Variants in DDX60L observed in about 807,000 individuals in gnomAD.
DDX60L encodes the protein probable ATP-dependent RNA helicase DDX60-like.
DDX60L carries 191 observed loss-of-function variants against 211.6 expected under a neutral mutation model. That is an observed-to-expected ratio of 0.90 (90% confidence interval 0.80 to 1.02). The LOEUF is 1.02. DDX60L is among the 50% of genes least tolerant of loss of function. DDX60L has a pLI of 0.00. For synonymous variants in DDX60L, 706 were observed against 694.1 expected (o/e 1.02, Z -0.27); for missense variants, 2,007 against 1,984.1 (o/e 1.01, Z -0.22).
At position 168,395,382 on chromosome 4, in the gene DDX60L, T is replaced by C. The variant is rs536743022; in HGVS notation, c.3657+577A>G. On this transcript the variant is annotated intron_variant, in intron 27 of 37. Coordinates refer to ENST00000682922, the MANE Select transcript of DDX60L (RefSeq NM_001012967.3). ...AACGAATAAATACATGAAATGTCTA[T>C]GTGACTGTGGACATGCTTGTGACTA... is the stretch of plus-strand genomic sequence containing the variant. Among the ~76,000 whole-genome samples the C allele has an allele frequency of 2.6e-5, 4 of 152,350 alleles. 1 individual carries two copies. The South Asian group carries it at 8.3e-4, about 32-fold the overall frequency.
At chr4:168,470,852 AG>A in intron 4 of DDX60L, 9 of 280,284 alleles carry the variant, frequency 3.2e-5, no homozygotes, top group South Asian at 6.2e-5. Context: ...AAAAAAAAAA[AG>A]AAAGTTCTAC....
intron 37 of DDX60L, among the ~76,000 whole-genome samples, chr4:168,360,458 A>C (rs1579137542): frequency 6.6e-6 from 1 of 152,332 alleles, no homozygotes; most frequent in African/African-American, 2.4e-5. Flanking sequence ...GACTCGGCTC[A>C]GACCAAGGAA....
In DDX60L at chr4:168,441,391, G is replaced by T; in HGVS notation, c.1240C>A (p.Pro414Thr). The change falls in exon 10 of 38, where the codon CCT (proline) becomes ACT (threonine). Residue 414 changes from proline to threonine, a missense_variant. Pro to Thr is a conservative substitution (Grantham distance 38). Coordinates refer to ENST00000682922, the MANE Select transcript of DDX60L (RefSeq NM_001012967.3). ...AAATGTCTTCTTGTTGTTCTCAGAGGAAAAGACTTTCCAACGTTAAATTCT... is the reference window on the plus strand; with the variant it reads ...AAATGTCTTCTTGTTGTTCTCAGAGTAAAAGACTTTCCAACGTTAAATTCT... ...VKEFNVGKSF[P>T]LRTTRRHFLR... The T allele has an allele frequency of 6.2e-7, 1 of 1,612,402 alleles. No individual in the cohort carries two copies. The highest frequency in any genetic ancestry group is 8.5e-7 in the Non-Finnish European group (1 of 1,179,174).
At chr4:168,390,003 AT>A (rs1391312487) in intron 29 of DDX60L, 4 of 240,684 alleles carry the variant, frequency 1.7e-5, no homozygotes, top group African/African-American at 9.3e-5. Flanking sequence ...ACAACCTGAC[AT>A]TTGGGATGAT....
In DDX60L at chr4:168,416,664, C is replaced by A. The variant is rs762232966; in HGVS notation, c.2726+18G>T. 3 of 1,508,630 alleles carry A rather than the reference C, an allele frequency of 2.0e-6. No homozygotes were observed. The East Asian group carries it at 6.8e-5, about 34-fold the overall frequency. 93.5% of individuals were successfully genotyped at this position (1,508,630 alleles called of 1,614,324 possible). A position where few individuals can be genotyped will look rare whatever the true frequency, so the allele number is the denominator to read the frequency against. ...AACCACTGAATATATAACAACCACTCTTTTTACCTATACCTACTTGGTGAG... is the reference window on the plus strand; with the variant it reads ...AACCACTGAATATATAACAACCACTATTTTTACCTATACCTACTTGGTGAG... On this transcript the variant is annotated intron_variant, in intron 20 of 37. Coordinates refer to ENST00000682922, the MANE Select transcript of DDX60L (RefSeq NM_001012967.3).
chr4:168,372,197 C>T (rs1248160549), intron 35 of DDX60L, among the ~76,000 whole-genome samples: 4 of 152,128 alleles, frequency 2.6e-5, no homozygotes, highest in Non-Finnish European at 5.9e-5. Context: ...TCTCCCTGTG[C>T]TCACAGGGAG....
chr4:168,370,488 A>G (rs1405102752), intron 36 of DDX60L, among the ~76,000 whole-genome samples: 1 of 152,168 alleles, frequency 6.6e-6, no homozygotes, highest in East Asian at 1.9e-4. Flanking sequence ...CAGTAAGTAG[A>G]TAGGAGGAAT....
intron 8 of DDX60L, among the ~76,000 whole-genome samples, chr4:168,449,666 G>T (rs2465255): frequency 5.0e-5 from 1 of 19,820 alleles, no homozygotes; most frequent in Non-Finnish European, 8.5e-5. Context: ...AAAAAAAAAA[G>T]AAAAAAGAAA....
chr4:168,432,557 C>T lies in DDX60L; in HGVS notation c.1414G>A (p.Val472Ile). 6.4e-7 allele frequency: 1 copy of T among 1,573,368 alleles called. No homozygotes were observed. Among genetic ancestry groups the T allele is most frequent in the Non-Finnish European group, 8.6e-7 (1 of 1,157,370 alleles). Residue 472 changes from valine to isoleucine, a missense_variant, in exon 12 of 38, where the codon GTT (valine) becomes ATT (isoleucine). Physicochemically the swap from Val to Ile is conservative, Grantham distance 29. Coordinates refer to ENST00000682922, the MANE Select transcript of DDX60L (RefSeq NM_001012967.3). ...GTCTTTTGTTTAAACAGTGAAGGAA[C>T]AACCGGATCATCACTGTAAAAATAA... The part of the protein sequence containing the change: ...LPILKSDDPV[V>I]PSLFKQKTSD...
chr4:168,442,315 C>CCA (rs943347166), intron 9 of DDX60L, among the ~76,000 whole-genome samples: 11 of 152,322 alleles, frequency 7.2e-5, no homozygotes, highest in African/African-American at 2.4e-4. Context: ...AAACGGCGCA[C>CCA]CACGAGATTA....
chr4:168,381,383 C>G (rs987786734), intron 30 of DDX60L, among the ~76,000 whole-genome samples: 15 of 152,140 alleles, frequency 9.9e-5, no homozygotes, highest in African/African-American at 3.4e-4. Context: ...AAGTGATCCT[C>G]CTGCCTCAGC....
chr4:168,438,377 G>A (rs2149982016), intron 10 of DDX60L, among the ~76,000 whole-genome samples: 1 of 152,046 alleles, frequency 6.6e-6, no homozygotes, highest in African/African-American at 2.4e-5. Context: ...ACCACCTCAG[G>A]GCCACTTACT....
chr4:168,425,556 G>A (rs956025975), intron 14 of DDX60L, among the ~76,000 whole-genome samples: 10 of 152,212 alleles, frequency 6.6e-5, no homozygotes, highest in Admixed American at 2.0e-4. Context: ...GAGGTCAGGA[G>A]TTCAAGACCA....
At position 168,394,548 on chromosome 4, in the gene DDX60L, T is replaced by C. The variant is rs1560979519; in HGVS notation, c.3727A>G (p.Arg1243Gly). The C allele has an allele frequency of 6.2e-7, 1 of 1,613,748 alleles. No individual in the cohort carries two copies. The highest frequency in any genetic ancestry group is 1.1e-5 in the South Asian group (1 of 91,050). Residue 1243 changes from arginine (R) to glycine (G), a missense_variant, in exon 28 of 38, where the codon AGG (arginine) becomes GGG (glycine). By Grantham distance (125) the Arg-to-Gly change is moderately radical. Coordinates refer to ENST00000682922, the MANE Select transcript of DDX60L (RefSeq NM_001012967.3). Reference sequence around the variant, plus strand: ...CTGCTGTGATGATATCCAATCCCCCTTTGTGCTAAAGCCTTCAGTTCTTTG... The same window carrying C: ...CTGCTGTGATGATATCCAATCCCCCCTTGTGCTAAAGCCTTCAGTTCTTTG... ...HGKELKALAQ[R>G]GIGYHHSSMY...
intron 29 of DDX60L, among the ~76,000 whole-genome samples, chr4:168,385,144 A>G (rs1346516505): frequency 1.3e-5 from 2 of 152,178 alleles, no homozygotes; most frequent in African/African-American, 4.8e-5. Flanking sequence ...CACCAGAAAG[A>G]CCAAGGCATG....
intron 22 of DDX60L, among the ~76,000 whole-genome samples, chr4:168,411,867 G>C (rs2040234099): frequency 6.6e-6 from 1 of 152,040 alleles, no homozygotes; most frequent in African/African-American, 2.4e-5. Flanking sequence ...AGAGGGAAGA[G>C]TAAAGACGAC....
chr4:168,410,577 TA>T (rs986875349), intron 22 of DDX60L, among the ~76,000 whole-genome samples: 13 of 151,992 alleles, frequency 8.6e-5, no homozygotes, highest in Admixed American at 2.0e-4. Context: ...TATAAAGTAA[TA>T]AAAAAAGGAC....
chr4:168,421,678 G>A (rs1750646679), intron 17 of DDX60L, 82 bp downstream of exon 17: 1 of 1,531,522 alleles, frequency 6.5e-7, no homozygotes, highest in African/African-American at 1.4e-5. Flanking sequence ...CAGTGAATTA[G>A]ATCTAGCATG....
intron 29 of DDX60L, among the ~76,000 whole-genome samples, chr4:168,389,702 T>C (rs1744466136): frequency 6.6e-6 from 1 of 152,212 alleles, no homozygotes; most frequent in Non-Finnish European, 1.5e-5. Flanking sequence ...CACAGGTAGA[T>C]TTTCTTTTTT....
Sources: gnomAD v4.1 joint callset for allele counts (sites outside exome capture counted in the v4.1 genomes callset) on GRCh38, gnomAD v4.1.1 for gene constraint, MANE v1.5 for transcripts, NCBI Gene and HGNC (gene_info 2026-07-23, HGNC 2026-07-21) for gene names.